Variants in BCKDHB observed in about 807,000 individuals in gnomAD.
BCKDHB encodes 2-oxoisovalerate dehydrogenase subunit beta, mitochondrial.
BCKDHB carries 41 observed loss-of-function variants against 48.5 expected under a neutral mutation model. That is an observed-to-expected ratio of 0.85 (90% confidence interval 0.66 to 1.10). The LOEUF is 1.10. Ranked by LOEUF, BCKDHB falls within the 50% of genes least tolerant of loss-of-function variation. BCKDHB has a pLI of 0.00. For missense variants in BCKDHB, 496 were observed against 494.2 expected (o/e 1.00, Z -0.03); for synonymous variants, 201 against 174.8 (o/e 1.15, Z -1.18).
the BCKDHB span, among the ~76,000 whole-genome samples, chr6:80,408,130 T>G: frequency 6.6e-6 from 1 of 152,070 alleles, no homozygotes; most frequent in Non-Finnish European, 1.5e-5. Flanking sequence ...TTTTGTGGTT[T>G]GTTCTGTTTG....
At chr6:80,328,906 A>C (rs560891412) in intron 9 of BCKDHB, among the ~76,000 whole-genome samples, 87 of 152,310 alleles carry the variant, frequency 5.7e-4, no homozygotes, top group African/African-American at 2.0e-3. Context: ...CAAAGATACA[A>C]TAGACAACAT....
intron 7 of BCKDHB, 35 bp downstream of exon 7, chr6:80,201,066 G>C: frequency 6.7e-7 from 1 of 1,502,954 alleles, no homozygotes; most frequent in Non-Finnish European, 9.3e-7. Flanking sequence ...TAAAACCTAC[G>C]TTGTGCTTGG....
intron 9 of BCKDHB, among the ~76,000 whole-genome samples, chr6:80,280,578 GAAATGATTGATATTT>G (rs1442216639): frequency 6.6e-6 from 1 of 152,140 alleles, no homozygotes; most frequent in Non-Finnish European, 1.5e-5. Context: ...TCAAGTATGG[GAAATGATTGATATTT>G]AATGCTGCTT....
chr6:80,213,668 G>GT (rs76968746), intron 8 of BCKDHB, among the ~76,000 whole-genome samples: 4,620 of 128,222 alleles, frequency 0.036, 132 homozygotes, highest in African/African-American at 0.095. Flanking sequence ...GTTTTTTTTT[G>GT]TTTTTTTTTT....
At chr6:80,321,528 G>C (rs1440686959) in intron 9 of BCKDHB, among the ~76,000 whole-genome samples, 1 of 152,098 alleles carries the variant, frequency 6.6e-6, no homozygotes, top group Non-Finnish European at 1.5e-5. Flanking sequence ...AGGCTGATAA[G>C]GGCCCTATGT....
chr6:80,154,828 G>A (rs902222222), intron 3 of BCKDHB, among the ~76,000 whole-genome samples: 2 of 152,066 alleles, frequency 1.3e-5, no homozygotes, highest in East Asian at 1.9e-4. Flanking sequence ...GAACTGATTC[G>A]AGGGCTTCTA....
chr6:80,437,225 A>G, the BCKDHB span, among the ~76,000 whole-genome samples: 3 of 152,214 alleles, frequency 2.0e-5, no homozygotes, highest in Non-Finnish European at 4.4e-5. Flanking sequence ...GTAAAGAAAA[A>G]AAAATTCTTA....
At chr6:80,243,341 G>T (rs1207777312) in intron 8 of BCKDHB, among the ~76,000 whole-genome samples, 1 of 152,146 alleles carries the variant, frequency 6.6e-6, no homozygotes, top group Non-Finnish European at 1.5e-5. Flanking sequence ...GGGAAGGAGT[G>T]GGGAGCCCTA....
intron 8 of BCKDHB, among the ~76,000 whole-genome samples, chr6:80,241,388 T>C (rs1776383018): frequency 6.6e-6 from 1 of 152,204 alleles, no homozygotes; most frequent in African/African-American, 2.4e-5. Context: ...CTTTGTGGTT[T>C]TATCTACCTT....
intron 1 of BCKDHB, among the ~76,000 whole-genome samples, chr6:80,126,112 T>C (rs1271687483): frequency 6.6e-6 from 1 of 152,152 alleles, no homozygotes; most frequent in Non-Finnish European, 1.5e-5. Flanking sequence ...TAAAATAATA[T>C]TTGAGTAAAT....
At chr6:80,268,032 T>C (rs1777586930) in intron 8 of BCKDHB, among the ~76,000 whole-genome samples, 1 of 152,094 alleles carries the variant, frequency 6.6e-6, no homozygotes, top group Admixed American at 6.6e-5. Flanking sequence ...AGCTCAGGAC[T>C]GTTTTTTTGT....
the BCKDHB span, among the ~76,000 whole-genome samples, chr6:80,379,071 A>C: frequency 1.3e-5 from 2 of 152,038 alleles, no homozygotes; most frequent in African/African-American, 4.8e-5. Flanking sequence ...AGGAGTAGGG[A>C]TGTCTCCCTA....
the BCKDHB span, among the ~76,000 whole-genome samples, chr6:80,372,660 G>C: frequency 2.6e-5 from 4 of 152,076 alleles, no homozygotes; most frequent in Admixed American, 6.5e-5. Context: ...AATCATAAAG[G>C]GATGCTGGAT....
At chr6:80,240,802 G>C (rs929117020) in intron 8 of BCKDHB, among the ~76,000 whole-genome samples, 7 of 151,958 alleles carry the variant, frequency 4.6e-5, no homozygotes, top group African/African-American at 1.7e-4. Context: ...GGCCTGTCTT[G>C]CTAGGTTGGG....
chr6:80,194,112 G>A (rs1467390806), intron 6 of BCKDHB, among the ~76,000 whole-genome samples: 2 of 151,978 alleles, frequency 1.3e-5, no homozygotes, highest in Non-Finnish European at 2.9e-5. Context: ...TCTCATAGTC[G>A]GTTTTCAATG....
In BCKDHB at chr6:80,106,698, C is replaced by G; in HGVS notation, c.5C>G (p.Ala2Gly). The change falls in exon 1 of 10, where the codon GCG becomes GGG. Residue 2 changes from alanine to glycine, a missense_variant. Coordinates refer to ENST00000320393, the MANE Select transcript of BCKDHB (RefSeq NM_183050.4). ...GAATCCCGGTGGTGAGCGGGGATGGCGGTTGTAGCGGCGGCTGCCGGCTGG... is the reference window on the plus strand; with the variant it reads ...GAATCCCGGTGGTGAGCGGGGATGGGGGTTGTAGCGGCGGCTGCCGGCTGG... M[A>G]VVAAAAGWLL... 2 of 1,555,554 alleles carry G rather than the reference C, an allele frequency of 1.3e-6. No individual in the cohort carries two copies. The highest frequency in any genetic ancestry group is 1.9e-5 in the Admixed American group (1 of 51,966).
intron 6 of BCKDHB, among the ~76,000 whole-genome samples, chr6:80,179,955 C>G (rs1423129156): frequency 1.3e-5 from 2 of 152,126 alleles, no homozygotes; most frequent in African/African-American, 2.4e-5. Context: ...AGTCACAGTT[C>G]CTGTTGATCT....
the BCKDHB span, among the ~76,000 whole-genome samples, chr6:80,444,373 T>C: frequency 1.3e-5 from 2 of 152,176 alleles, no homozygotes; most frequent in Non-Finnish European, 2.9e-5. Flanking sequence ...GAGGCTAATG[T>C]AAACATGTTA....
At chr6:80,338,776 C>T (rs1769733153) in intron 9 of BCKDHB, among the ~76,000 whole-genome samples, 1 of 151,972 alleles carries the variant, frequency 6.6e-6, no homozygotes, top group Admixed American at 6.6e-5. Context: ...GGCATGAAAC[C>T]AGGTACTTTT....
Sources: gnomAD v4.1 joint callset for allele counts (sites outside exome capture counted in the v4.1 genomes callset) on GRCh38, gnomAD v4.1.1 for gene constraint, MANE v1.5 for transcripts, NCBI Gene and HGNC (gene_info 2026-07-23, HGNC 2026-07-21) for gene names.